IRF2: variants seen among roughly 807,000 people sequenced by gnomAD.
IRF2 encodes interferon regulatory factor 2.
In IRF2, 15 loss-of-function variants were observed where a neutral mutation model predicts 40.6. The ratio of observed to expected loss-of-function variants is 0.37; its 90% CI spans 0.25 to 0.57. The LOEUF is 0.57. Ranked by LOEUF, IRF2 falls within the 20% of genes least tolerant of loss-of-function variation. IRF2 has a pLI of 0.77. For missense variants in IRF2, 317 were observed against 455.7 expected (o/e 0.70, Z 2.77); for synonymous variants, 151 against 165.5 (o/e 0.91, Z 0.67).
intron 5 of IRF2, among the ~76,000 whole-genome samples, chr4:184,415,745 C>A (rs185737109): frequency 2.2e-4 from 34 of 152,328 alleles, no homozygotes; most frequent in Admixed American, 2.2e-3. Context: ...CCATTAACTG[C>A]GATTATGAAA....
chr4:184,398,182 GC>G (rs1561084230), intron 7 of IRF2, among the ~76,000 whole-genome samples: 2 of 152,140 alleles, frequency 1.3e-5, no homozygotes, highest in East Asian at 3.8e-4. Flanking sequence ...ACGACCCTGC[GC>G]AAGCCCCTTC....
chr4:184,416,328 C>A (rs201359683), intron 5 of IRF2, among the ~76,000 whole-genome samples: 14,635 of 98,266 alleles, frequency 0.15, 2 homozygotes, highest in African/African-American at 0.18. Flanking sequence ...AAAAAAAAAA[C>A]AAAAAAAAAA....
rs952200740 is a variant in IRF2, at chr4:184,388,697, T to A, written c.*61A>T. 50 of 1,523,420 alleles carry A rather than the reference T, an allele frequency of 3.3e-5. No individual in the cohort carries two copies. The highest frequency in any genetic ancestry group is 4.8e-4 in the Middle Eastern group (2 of 4,140). The allele number at this position is 1,523,420 out of a possible 1,614,324, so 94.4% of individuals were successfully genotyped here. A position where few individuals can be genotyped will look rare whatever the true frequency, so the allele number is the denominator to read the frequency against. On this transcript the variant is annotated 3_prime_UTR_variant, in exon 9 of 9. Transcript: ENST00000393593. This position sits in a 1 kb window ranked among gnomAD's most constrained non-coding sequence, Gnocchi z 4.6. Reference sequence around the variant, plus strand: ...AGGTGTCAGAGAGAAAAAAATAAAATACAAACAAACAACAAAACAAAGCCA... The same window carrying A: ...AGGTGTCAGAGAGAAAAAAATAAAAAACAAACAAACAACAAAACAAAGCCA...
intron 6 of IRF2, among the ~76,000 whole-genome samples, chr4:184,407,481 G>T (rs1032076068): frequency 6.6e-6 from 1 of 152,190 alleles, no homozygotes; most frequent in African/African-American, 2.4e-5. Context: ...TTGTTCAACT[G>T]TTACGAAGGA....
chr4:184,460,663 GCGCA>G (rs1230482490), intron 1 of IRF2, among the ~76,000 whole-genome samples: 21 of 82,890 alleles, frequency 2.5e-4, no homozygotes, highest in Middle Eastern at 7.6e-3. Flanking sequence ...ACACATGCAC[GCGCA>G]CACACACACA....
At chr4:184,469,915 A>T (rs1482475464) in intron 1 of IRF2, among the ~76,000 whole-genome samples, 1 of 152,192 alleles carries the variant, frequency 6.6e-6, no homozygotes, top group African/African-American at 2.4e-5. Flanking sequence ...GGTACTCTAT[A>T]AAAAATACTG....
chr4:184,441,984 T>C (rs1431819534), intron 1 of IRF2, among the ~76,000 whole-genome samples: 1 of 151,762 alleles, frequency 6.6e-6, no homozygotes, highest in East Asian at 1.9e-4. Context: ...CATCAAGAGG[T>C]AGAGAGGGCC....
At chr4:184,423,571 T>G (rs1277266875) in intron 2 of IRF2, among the ~76,000 whole-genome samples, 9 of 152,188 alleles carry the variant, frequency 5.9e-5, no homozygotes, top group African/African-American at 2.2e-4. Flanking sequence ...AAGGGAAAGA[T>G]CTGATGATTC....
chr4:184,444,342 C>T (rs896246190), intron 1 of IRF2, among the ~76,000 whole-genome samples: 44 of 152,150 alleles, frequency 2.9e-4, no homozygotes, highest in African/African-American at 6.8e-4. Flanking sequence ...GGTCTCCATC[C>T]GGCAACTATA....
intron 1 of IRF2, among the ~76,000 whole-genome samples, chr4:184,466,037 C>T (rs988566128): frequency 1.3e-5 from 2 of 150,350 alleles, no homozygotes; most frequent in African/African-American, 4.9e-5. Context: ...TCAGTTTTAA[C>T]TTGTCCCATC....
rs563448316 is a variant in IRF2, at chr4:184,419,216, G to A, written c.187+253C>T. On this transcript the variant is annotated intron_variant, in intron 3 of 8. Coordinates refer to ENST00000393593, the MANE Select transcript of IRF2 (RefSeq NM_002199.4). The stretch of plus-strand genomic sequence containing the variant: ...CAGAACAACTGAGTTTCTATTCCCC[G>A]GTAACACCTAGGGAACTTCTTAGAA... 3.3e-5 allele frequency among the ~76,000 whole-genome samples: 5 copies of A among 152,120 alleles called. No individual in the cohort carries two copies. The South Asian group carries it at 8.3e-4, about 25-fold the overall frequency.
intron 1 of IRF2, among the ~76,000 whole-genome samples, chr4:184,449,478 G>A (rs1196034262): frequency 8.5e-5 from 13 of 152,214 alleles, no homozygotes; most frequent in African/African-American, 2.7e-4. Flanking sequence ...CCCAGAGTAC[G>A]GCAGAGGCCA....
At chr4:184,470,700 A>G (rs907903114) in intron 1 of IRF2, among the ~76,000 whole-genome samples, 1 of 137,750 alleles carries the variant, frequency 7.3e-6, no homozygotes, top group South Asian at 2.4e-4. Context: ...AAAAAAAAAA[A>G]AAAAGAAAAG....
intron 1 of IRF2, among the ~76,000 whole-genome samples, chr4:184,461,686 C>A (rs112529583): frequency 4.2e-5 from 1 of 23,636 alleles, no homozygotes; most frequent in African/African-American, 2.6e-4. Context: ...CTCTACCCGC[C>A]CCCCCACCGC....
intron 1 of IRF2, among the ~76,000 whole-genome samples, chr4:184,468,154 A>T (rs1217501366): frequency 6.6e-6 from 1 of 152,216 alleles, no homozygotes; most frequent in African/African-American, 2.4e-5. Context: ...ACAAAGAGAC[A>T]AATACATAAA....
chr4:184,422,301 G>A (rs1452027875), intron 2 of IRF2, among the ~76,000 whole-genome samples: 1 of 152,202 alleles, frequency 6.6e-6, no homozygotes, highest in African/African-American at 2.4e-5. Flanking sequence ...TGGTGAGGAT[G>A]TGGAGAAACT....
intron 1 of IRF2, among the ~76,000 whole-genome samples, chr4:184,438,339 G>A (rs553804202): frequency 2.6e-4 from 40 of 152,284 alleles, no homozygotes; most frequent in African/African-American, 7.2e-4. Flanking sequence ...CCAGAGGGTC[G>A]TGGGATCATT....
Position 184,398,978 on chromosome 4 carries a change from C to T in IRF2, c.631G>A (p.Glu211Lys), listed in dbSNP as rs2149893161. ...AGCTCGCTCATGCTGACCGGCTGCT[C>T]GTCGCTCTCAGTGGTCACCTCTACA... ...QVVEVTTESD[E>K]QPVSMSELYP... Residue 211 changes from glutamate to lysine, a missense_variant, in exon 7 of 9, where the codon GAG becomes AAG. By Grantham distance (56) the Glu-to-Lys change is moderately conservative. Coordinates refer to ENST00000393593, the MANE Select transcript of IRF2 (RefSeq NM_002199.4). The T allele has an allele frequency of 1.9e-6, 3 of 1,612,974 alleles. No homozygotes were observed. Among genetic ancestry groups the T allele is most frequent in the Non-Finnish European group, 2.5e-6 (3 of 1,179,658 alleles).
intron 3 of IRF2, 72 bp from the exon 4 acceptor site, chr4:184,418,780 C>G: frequency 7.6e-7 from 1 of 1,317,728 alleles, no homozygotes; most frequent in South Asian, 1.3e-5. Context: ...TCTGGAAACA[C>G]AGTATTGCTG....
Sources: gnomAD v4.1 joint callset for allele counts (sites outside exome capture counted in the v4.1 genomes callset) on GRCh38, gnomAD v4.1.1 for gene constraint, Gnocchi (gnomAD v3.1) non-coding constraint, MANE v1.5 for transcripts, NCBI Gene and HGNC (gene_info 2026-07-23, HGNC 2026-07-21) for gene names.